The following TACC2 variants were observed in gnomAD, a reference collection of about 807,000 sequenced individuals.
The protein encoded by TACC2 is transforming acidic coiled-coil-containing protein 2.
TACC2 carries 137 observed loss-of-function variants against 227.3 expected under a neutral mutation model. The observed-to-expected ratio is 0.60, with a 90% CI of 0.52 to 0.69. The LOEUF is 0.69. TACC2 is among the 30% of genes least tolerant of loss of function. The probability of loss-of-function intolerance (pLI) is 0.00; values close to 1 mark genes in which losing one functional copy is unlikely to be tolerated. For synonymous variants in TACC2, 1,523 were observed against 1,487.5 expected, an observed-to-expected ratio of 1.02 and a Z score of -0.55; for missense variants, 3,470 against 3,694.4, an observed-to-expected ratio of 0.94 and a Z score of 1.57.
At chr10:122,104,718 G>C (rs903471752) in intron 5 of TACC2, among the ~76,000 whole-genome samples, 1 of 152,194 alleles carries the variant, frequency 6.6e-6, no homozygotes, top group Non-Finnish European at 1.5e-5. Flanking sequence ...GTGAAGTTAT[G>C]AGTTGGTGTG....
rs775453520 is a variant in TACC2, at chr10:122,083,131, G to A, written c.631G>A (p.Ala211Thr). Residue 211 changes from alanine to threonine, a missense_variant, in exon 4 of 23, where the codon GCA becomes ACA. Ala to Thr is a moderately conservative substitution (Grantham distance 58, BLOSUM62 0). Around this residue, in one of 10 missense-constraint regions of TACC2, gnomAD observed 405 missense variants for 389.6 expected, o/e 1.04. Transcript: ENST00000369005. ...AGTACCCCTCAGAGAGCCAATGAAGGCACCGCTGTGTGGAGAGGGGGACCA... is the reference window on the plus strand; with the variant it reads ...AGTACCCCTCAGAGAGCCAATGAAGACACCGCTGTGTGGAGAGGGGGACCA... ...SPVPLREPMK[A>T]PLCGEGDQPG... The A allele has an allele frequency of 1.2e-6, 2 of 1,613,132 alleles. No individual in the cohort carries two copies. The highest frequency in any genetic ancestry group is 1.7e-6 in the Non-Finnish European group (2 of 1,180,004).
At chr10:122,034,857 G>A (rs989061965) in intron 2 of TACC2, among the ~76,000 whole-genome samples, 1 of 151,660 alleles carries the variant, frequency 6.6e-6, no homozygotes, top group Non-Finnish European at 1.5e-5. Context: ...GAACCTGGGA[G>A]GCAGAGGTTG....
intron 7 of TACC2, among the ~76,000 whole-genome samples, chr10:122,189,563 T>C (rs1464565225): frequency 6.6e-6 from 1 of 152,204 alleles, no homozygotes; most frequent in East Asian, 1.9e-4. Context: ...CACTGTGTTC[T>C]TTCACTCTGA....
At chr10:122,041,874 T>G (rs1289937780) in intron 2 of TACC2, among the ~76,000 whole-genome samples, 1 of 152,268 alleles carries the variant, frequency 6.6e-6, no homozygotes, top group Non-Finnish European at 1.5e-5. Context: ...ACAACACGGC[T>G]CCAGGTTTTG....
chr10:122,229,322 G>T, intron 14 of TACC2, 24 bp from the exon 15 acceptor site: 1 of 1,612,900 alleles, frequency 6.2e-7, no homozygotes, highest in Admixed American at 1.7e-5. Context: ...TTTCTTGTGT[G>T]TCCTCCTCTC....
In TACC2 at chr10:122,082,859, G is replaced by T; in HGVS notation, c.359G>T (p.Gly120Val). The T allele has an allele frequency of 1.2e-6, 2 of 1,613,500 alleles. No homozygotes were observed. Among genetic ancestry groups the T allele is most frequent in the Non-Finnish European group, 1.7e-6 (2 of 1,180,030 alleles). Residue 120 changes from glycine to valine, a missense_variant, in exon 4 of 23, where the codon GGT (glycine) becomes GTT (valine). Physicochemically the swap from Gly to Val is moderately radical, Grantham distance 109. Around this residue, in one of 10 missense-constraint regions of TACC2, gnomAD observed 405 missense variants for 389.6 expected, o/e 1.04. Coordinates refer to ENST00000369005, the MANE Select transcript of TACC2 (RefSeq NM_206862.4). ...SMPFAECPPE[G>V]CLASPAAAPE... ...CCCTTTGCCGAGTGTCCCCCGGAAG[G>T]TTGCTTGGCAAGTCCAGCAGCGGCA...
rs148393041 is a variant in TACC2, at chr10:122,050,396, C to T, written c.34-42C>T. On this transcript the variant is annotated intron_variant, in intron 2 of 22. Coordinates refer to ENST00000369005, the MANE Select transcript of TACC2 (RefSeq NM_206862.4). This position sits in a 1 kb window ranked among gnomAD's most constrained non-coding sequence, Gnocchi z 4.6. The stretch of plus-strand genomic sequence containing the variant: ...AAATGTTTTTGTGTTTTCAGAGACT[C>T]CTATCTGATTTCCTTTCCAATTTCT... 6.7e-7 allele frequency: 1 copy of T among 1,500,602 alleles called. No homozygotes were observed. The highest frequency in any genetic ancestry group is 9.3e-7 in the Non-Finnish European group (1 of 1,079,798). 93.0% of individuals were successfully genotyped at this position (1,500,602 alleles called of 1,614,324 possible).
chr10:122,249,226 C>A, intron 21 of TACC2, 70 bp downstream of exon 21: 1 of 1,155,704 alleles, frequency 8.7e-7, no homozygotes, highest in Non-Finnish European at 1.3e-6. Context: ...CAGGCTGGGA[C>A]CTCTGGCAGC....
chr10:122,016,946 G>A (rs936424336), intron 1 of TACC2, among the ~76,000 whole-genome samples: 2 of 152,114 alleles, frequency 1.3e-5, no homozygotes, highest in Admixed American at 6.6e-5. Context: ...GGACATAGAC[G>A]GGCAAAGAGG....
intron 7 of TACC2, among the ~76,000 whole-genome samples, chr10:122,178,567 C>T (rs914032527): frequency 1.1e-4 from 16 of 151,868 alleles, no homozygotes; most frequent in Non-Finnish European, 1.9e-4. Flanking sequence ...GTTTGATCAG[C>T]GCATCCTGTG....
Position 122,087,155 on chromosome 10 carries a change from G to A in TACC2, c.4655G>A (p.Ser1552Asn). Residue 1552 changes from serine to asparagine, a missense_variant, in exon 4 of 23, where the codon AGC becomes AAC. Ser to Asn is a conservative substitution (Grantham distance 46, BLOSUM62 1). This residue lies in a region of TACC2 where 1,924 missense variants were observed against 1,978.3 expected (regional missense o/e 0.97). Transcript: ENST00000369005. ...CAGGCTTACTCACAGCTGGAGAGGA[G>A]CAGGCAGGAATTAGCTTCAGGTCTT... ...EGQAYSQLERSRQELASGLPS... is the reference protein window; with the variant it reads ...EGQAYSQLERNRQELASGLPS... 6.2e-7 allele frequency: 1 copy of A among 1,611,442 alleles called. No individual in the cohort carries two copies. The highest frequency in any genetic ancestry group is 8.5e-7 in the Non-Finnish European group (1 of 1,179,216).
chr10:122,017,537 C>T (rs1366138782), intron 1 of TACC2, among the ~76,000 whole-genome samples: 1 of 152,058 alleles, frequency 6.6e-6, no homozygotes, highest in Non-Finnish European at 1.5e-5. Flanking sequence ...TCTTCTGTGG[C>T]CAGGCATAGT....
rs1283912221 is a variant in TACC2 at position 122,082,949 on chromosome 10, T to A, written c.449T>A (p.Ile150Asn). The A allele has an allele frequency of 1.2e-6, 2 of 1,612,794 alleles. No individual in the cohort carries two copies. The highest frequency in any genetic ancestry group is 1.7e-6 in the Non-Finnish European group (2 of 1,180,016). ...CCTGCCCCAAATGCCCCAGGAGACA[T>A]CGCGGCGGCATTTCCCGCTGAGAGG... ...REPAPNAPGD[I>N]AAAFPAERDS... Residue 150 changes from isoleucine to asparagine, a missense_variant, in exon 4 of 23, where the codon ATC (isoleucine) becomes AAC (asparagine). By Grantham distance (149) the Ile-to-Asn change is moderately radical. Transcript: ENST00000369005.
intron 5 of TACC2, among the ~76,000 whole-genome samples, chr10:122,100,178 C>T (rs112955909): frequency 0.012 from 1,785 of 151,294 alleles, 50 homozygotes; most frequent in African/African-American, 0.041. Context: ...ACAGGAGAAT[C>T]GTTTGAACTT....
rs2080051094 is a variant in TACC2, at chr10:122,085,929, G to A, written c.3429G>A (p.Lys1143=). The change falls in exon 4 of 23, where the codon AAG becomes AAA. Residue 1143 remains lysine, a synonymous_variant. Transcript: ENST00000369005. ...GGSAGAGDPG[K]QQAPEKPGEA... Reference sequence around the variant, plus strand: ...GCGCTGGTGCAGGAGACCCAGGAAAGCAGCAGGCTCCGGAGAAACCTGGAG... The same window carrying A: ...GCGCTGGTGCAGGAGACCCAGGAAAACAGCAGGCTCCGGAGAAACCTGGAG... 6.2e-7 allele frequency: 1 copy of A among 1,613,340 alleles called. No homozygotes were observed. Among genetic ancestry groups the A allele is most frequent in the African/African-American group, 1.3e-5 (1 of 75,050 alleles).
chr10:122,050,468 G>A lies in TACC2; in HGVS notation c.64G>A (p.Ala22Thr), dbSNP rs202197379. The change falls in exon 3 of 23, where the codon GCG becomes ACG. Residue 22 changes from alanine to threonine, a missense_variant. By Grantham distance (58) the Ala-to-Thr change is moderately conservative. Transcript: ENST00000369005. The surrounding 1 kb of genome is among the most constrained non-coding windows in gnomAD (Gnocchi z 4.6). ...TTTATCAGCTCAGACTCCAAGGTCC[G>A]CGCAGCCACCCGGGAACAGTCAGAA... Reference protein sequence around the residue: ...RTLSAQTPRSAQPPGNSQNIK... With the variant: ...RTLSAQTPRSTQPPGNSQNIK... 2.8e-5 allele frequency: 45 copies of A among 1,613,808 alleles called. No individual in the cohort carries two copies. The highest frequency in any genetic ancestry group is 1.3e-4 in the East Asian group (6 of 44,880).
intron 7 of TACC2, among the ~76,000 whole-genome samples, chr10:122,158,502 T>C (rs928064235): frequency 1.3e-5 from 2 of 152,188 alleles, no homozygotes; most frequent in South Asian, 2.1e-4. Flanking sequence ...CTGGGTCTAA[T>C]AGTAAAATTC....
intron 1 of TACC2, among the ~76,000 whole-genome samples, chr10:122,012,975 G>A (rs1212733483): frequency 6.6e-6 from 1 of 152,202 alleles, no homozygotes; most frequent in East Asian, 1.9e-4. Context: ...GGCCCCTCCT[G>A]GCAGAGCTTC....
At chr10:122,219,129 C>T (rs1269129459) in intron 11 of TACC2, among the ~76,000 whole-genome samples, 2 of 152,076 alleles carry the variant, frequency 1.3e-5, no homozygotes, top group Non-Finnish European at 2.9e-5. Context: ...CACCTGCATC[C>T]GAGGCAGGAG....
Sources: allele counts gnomAD v4.1 joint callset (sites outside exome capture counted in the v4.1 genomes callset), GRCh38; gene constraint gnomAD v4.1.1; regional missense constraint gnomAD v4.1.1; non-coding constraint Gnocchi (gnomAD v3.1); transcripts MANE v1.5; gene names NCBI Gene and HGNC (gene_info 2026-07-23, HGNC 2026-07-21).